CTNND2: variants seen among roughly 807,000 people sequenced by gnomAD.
CTNND2 encodes catenin delta 2, also known as catenin delta-2.
Under a neutral mutation model 144.4 loss-of-function variants are expected in CTNND2, and 22 were observed. That is an observed-to-expected ratio of 0.15 (90% CI 0.11 to 0.22). CTNND2 has a LOEUF of 0.22. Among genes scored for constraint, CTNND2 ranks in the 10% least tolerant of loss-of-function variants. The probability of loss-of-function intolerance (pLI) is 1.00; values close to 1 mark genes in which losing one functional copy is unlikely to be tolerated. For missense variants in CTNND2, 1,353 were observed against 1,618.8 expected, an observed-to-expected ratio of 0.84 and a Z score of 2.82; for synonymous variants, 751 against 695.6, an observed-to-expected ratio of 1.08 and a Z score of -1.25.
intron 9 of CTNND2, among the ~76,000 whole-genome samples, chr5:11,282,432 G>A (rs529415387): frequency 2.6e-5 from 4 of 152,172 alleles, no homozygotes; most frequent in Admixed American, 6.5e-5. Flanking sequence ...ACATGATGTC[G>A]GGAAGATAAT....
chr5:11,340,053 C>G (rs750603152), intron 9 of CTNND2, among the ~76,000 whole-genome samples: 1 of 152,132 alleles, frequency 6.6e-6, no homozygotes, highest in African/African-American at 2.4e-5. Context: ...CCCTCTGTAG[C>G]CCAATATCCC....
At chr5:11,712,804 G>T (rs1786107803) in intron 2 of CTNND2, among the ~76,000 whole-genome samples, 1 of 152,168 alleles carries the variant, frequency 6.6e-6, no homozygotes, top group Non-Finnish European at 1.5e-5. Flanking sequence ...AGCTTAAAAT[G>T]AGTTTAAAAT....
chr5:11,876,283 G>A (rs1479826027), intron 1 of CTNND2, among the ~76,000 whole-genome samples: 1 of 151,454 alleles, frequency 6.6e-6, no homozygotes, highest in Admixed American at 6.6e-5. Context: ...GCGGGGAGAG[G>A]GGAGAGTGGA....
intron 12 of CTNND2, among the ~76,000 whole-genome samples, chr5:11,117,810 G>C (rs1753717056): frequency 6.6e-6 from 1 of 152,186 alleles, no homozygotes; most frequent in Admixed American, 6.5e-5. Flanking sequence ...CCTAATACGG[G>C]ATCTGTGAGT....
chr5:10,989,229 G>T (rs1304097734), intron 19 of CTNND2, among the ~76,000 whole-genome samples: 2 of 152,286 alleles, frequency 1.3e-5, no homozygotes, highest in East Asian at 3.9e-4. Flanking sequence ...GGGGCAGCTG[G>T]TCGCGCACCC....
chr5:11,420,263 C>A (rs1222620928), intron 3 of CTNND2, among the ~76,000 whole-genome samples: 1 of 152,084 alleles, frequency 6.6e-6, no homozygotes, highest in Admixed American at 6.6e-5. Flanking sequence ...GTGGAGGTTG[C>A]AGTGAACCGA....
chr5:11,840,375 G>A (rs1206461309), intron 1 of CTNND2, among the ~76,000 whole-genome samples: 1 of 152,186 alleles, frequency 6.6e-6, no homozygotes, highest in Non-Finnish European at 1.5e-5. Context: ...AAAAGAACTT[G>A]TGTCCCTTAA....
chr5:11,836,078 T>C (rs554925462), intron 1 of CTNND2, among the ~76,000 whole-genome samples: 1 of 152,348 alleles, frequency 6.6e-6, no homozygotes, highest in East Asian at 1.9e-4. Flanking sequence ...CTTTGAGCCA[T>C]GAATAATTTA....
At chr5:11,180,816 C>A (rs1357606145) in intron 11 of CTNND2, among the ~76,000 whole-genome samples, 2 of 152,234 alleles carry the variant, frequency 1.3e-5, no homozygotes, top group African/African-American at 2.4e-5. Flanking sequence ...CTAACGATGC[C>A]AACTGGCAAC....
At chr5:11,652,690 C>A (rs1782705721) in intron 2 of CTNND2, among the ~76,000 whole-genome samples, 1 of 152,124 alleles carries the variant, frequency 6.6e-6, no homozygotes, top group Non-Finnish European at 1.5e-5. Context: ...CACAATTAAG[C>A]TAATTAACAT....
intron 1 of CTNND2, among the ~76,000 whole-genome samples, chr5:11,830,906 A>C (rs1237829637): frequency 6.6e-6 from 1 of 152,240 alleles, no homozygotes; most frequent in East Asian, 1.9e-4. Flanking sequence ...ATACTTGCAA[A>C]TGACAATTGA....
intron 9 of CTNND2, among the ~76,000 whole-genome samples, chr5:11,324,102 G>A (rs1752306439): frequency 1.3e-5 from 2 of 152,116 alleles, no homozygotes; most frequent in South Asian, 4.1e-4. Flanking sequence ...TCAGTCCTTG[G>A]ATCGCTAAGC....
intron 1 of CTNND2, among the ~76,000 whole-genome samples, chr5:11,759,418 T>C (rs1789131785): frequency 2.0e-5 from 3 of 152,102 alleles, no homozygotes. Flanking sequence ...AAATGATACA[T>C]AAATATAAAT....
chr5:11,539,978 G>A (rs1331739116), intron 3 of CTNND2, among the ~76,000 whole-genome samples: 1 of 152,150 alleles, frequency 6.6e-6, no homozygotes, highest in Non-Finnish European at 1.5e-5. Flanking sequence ...AGTTTGCAGT[G>A]AGCTGAGGTC....
intron 9 of CTNND2, among the ~76,000 whole-genome samples, chr5:11,338,238 G>T (rs112752124): frequency 1.4e-3 from 206 of 152,298 alleles, no homozygotes; most frequent in Middle Eastern, 6.8e-3. Context: ...TAGCTAGCTT[G>T]GATTTGGCTT....
At chr5:11,374,318 C>T (rs1458636525) in intron 7 of CTNND2, among the ~76,000 whole-genome samples, 1 of 152,136 alleles carries the variant, frequency 6.6e-6, no homozygotes, top group East Asian at 1.9e-4. Flanking sequence ...AGACTTGTAA[C>T]AAAAGTCTTT....
intron 3 of CTNND2, among the ~76,000 whole-genome samples, chr5:11,480,566 T>G (rs1183902292): frequency 5.3e-5 from 8 of 152,162 alleles, no homozygotes; most frequent in African/African-American, 1.9e-4. Flanking sequence ...CTCTCTGTTC[T>G]GATGAAATTA....
chr5:11,450,180 C>A (rs1765175292), intron 3 of CTNND2, among the ~76,000 whole-genome samples: 1 of 152,192 alleles, frequency 6.6e-6, no homozygotes, highest in African/African-American at 2.4e-5. Flanking sequence ...CATTTCTCTA[C>A]CATGTAGTAA....
At chr5:11,707,047 C>G (rs1006968010) in intron 2 of CTNND2, among the ~76,000 whole-genome samples, 2 of 150,398 alleles carry the variant, frequency 1.3e-5, no homozygotes, top group Non-Finnish European at 2.9e-5. Flanking sequence ...GATCACGCCA[C>G]TGCACTCCAG....
Sources: gnomAD v4.1 joint callset for allele counts (sites outside exome capture counted in the v4.1 genomes callset) on GRCh38, gnomAD v4.1.1 for gene constraint, MANE v1.5 for transcripts, NCBI Gene and HGNC (gene_info 2026-07-23, HGNC 2026-07-21) for gene names.